The following CHAT variants were observed in gnomAD, a reference collection of about 807,000 sequenced individuals.
The protein encoded by CHAT is acetyl CoA:choline O-acetyltransferase.
Under a neutral mutation model 76.9 loss-of-function variants are expected in CHAT, and 61 were observed. That is an observed-to-expected ratio of 0.79 (90% CI 0.65 to 0.98). The LOEUF is 0.98. CHAT is among the 50% of genes least tolerant of loss of function. The pLI, the probability that CHAT is intolerant of heterozygous loss-of-function variation, is 0.00. For missense variants in CHAT, 946 were observed against 986.9 expected (o/e 0.96, Z 0.56); for synonymous variants, 407 against 397.4 (o/e 1.02, Z -0.29).
intron 3 of CHAT, 62 bp downstream of exon 3, chr10:49,619,978 G>C (rs1362968002): frequency 6.6e-7 from 1 of 1,526,462 alleles, no homozygotes; most frequent in African/African-American, 1.4e-5. Context: ...GAGACAGAGG[G>C]ATCTCGGTGA....
chr10:49,611,528 C>T (rs1039568668), upstream of CHAT: 1 of 1,602,476 alleles, frequency 6.2e-7, no homozygotes, highest in African/African-American at 1.3e-5. Context: ...CTGGCAGTGG[C>T]CAAACCCTTC....
At chr10:49,611,694 T>C (rs1460003493), upstream of CHAT, 9 of 1,609,796 alleles carry the variant, frequency 5.6e-6, no homozygotes, top group Admixed American at 1.7e-5. Context: ...GGATGAAGCA[T>C]ACGATGGCGG....
chr10:49,655,116 C>T lies in CHAT; in HGVS notation c.1656C>T (p.Pro552=), dbSNP rs1268229300. The T allele has an allele frequency of 1.7e-5, 28 of 1,614,044 alleles. No individual in the cohort carries two copies. The highest frequency in any genetic ancestry group is 2.3e-5 in the Non-Finnish European group (27 of 1,180,042). Residue 552 remains proline (P), a synonymous_variant, in exon 12 of 15, where the codon CCC becomes CCT. Coordinates refer to ENST00000337653, the MANE Select transcript of CHAT (RefSeq NM_020549.5). The part of the protein sequence containing the change: ...AFYRLHRRLV[P]TYESASIRRF... ...GCAGGCTCCATCGAAGACTGGTGCC[C>T]ACCTACGAGAGCGCGTCCATCCGCC...
intron 10 of CHAT, 107 bp downstream of exon 10, chr10:49,649,743 G>T: frequency 8.2e-7 from 1 of 1,214,276 alleles, no homozygotes; most frequent in Non-Finnish European, 1.2e-6. Flanking sequence ...CAGCTCCTCT[G>T]CCTCTCCTTG....
upstream of CHAT, chr10:49,611,748 G>A (rs751255817): frequency 1.2e-5 from 19 of 1,604,260 alleles, no homozygotes; most frequent in Non-Finnish European, 1.6e-5. Context: ...CGGCCTTCGT[G>A]CCTCATGTGC....
Position 49,617,999 on chromosome 10 carries a change from C to G in CHAT, c.387+1397C>G, listed in dbSNP as rs559111669. Among the ~76,000 whole-genome samples, 5 of 152,284 alleles carry G rather than the reference C, an allele frequency of 3.3e-5. No individual in the cohort carries two copies. In the South Asian group the frequency reaches 6.2e-4, roughly 19 times the overall value. On this transcript the variant is annotated intron_variant, in intron 2 of 14. Coordinates refer to ENST00000337653, the MANE Select transcript of CHAT (RefSeq NM_020549.5). Reference sequence around the variant, plus strand: ...GAGAAGGAGGTGCTTTTAAGGGGCCCATTCACTCTGCAGCCTATGGGGAGG... The same window carrying G: ...GAGAAGGAGGTGCTTTTAAGGGGCCGATTCACTCTGCAGCCTATGGGGAGG...
At chr10:49,646,143 G>A (rs2132797819) in intron 7 of CHAT, among the ~76,000 whole-genome samples, 1 of 152,336 alleles carries the variant, frequency 6.6e-6, no homozygotes, top group South Asian at 2.1e-4. Flanking sequence ...GTTGGGTGGG[G>A]GATTAAGGGC....
intron 7 of CHAT, among the ~76,000 whole-genome samples, chr10:49,632,640 C>T (rs576159934): frequency 7.2e-5 from 11 of 152,260 alleles, no homozygotes; most frequent in African/African-American, 2.2e-4. Context: ...AACACTTCCC[C>T]GGATTCTCAT....
At chr10:49,616,422 G>A in intron 1 of CHAT, 80 bp from the exon 2 acceptor site, 2 of 1,086,140 alleles carry the variant, frequency 1.8e-6, no homozygotes, top group South Asian at 2.7e-5. Flanking sequence ...CTGGGGTGGG[G>A]GTCTGTTGGC....
At chr10:49,634,925 A>T (rs1839247442) in intron 7 of CHAT, among the ~76,000 whole-genome samples, 4 of 152,180 alleles carry the variant, frequency 2.6e-5, no homozygotes, top group Admixed American at 2.6e-4. Flanking sequence ...AGTTGTAAGA[A>T]GTAATACAGA....
upstream of CHAT, among the ~76,000 whole-genome samples, chr10:49,609,818 A>C (rs1838241242): frequency 6.6e-6 from 1 of 152,106 alleles, no homozygotes; most frequent in Non-Finnish European, 1.5e-5. Context: ...GCGGCTCCAC[A>C]ATCCAGCTGC....
In CHAT at chr10:49,664,720, C is replaced by G. The variant is rs1175008879; in HGVS notation, c.1978-57C>G. ...GGAAAACAGAGAAGCCAAGCCCAGT[C>G]GAGGCTGGCGGGCTGCATTCCAGAA... On this transcript the variant is annotated intron_variant, in intron 14 of 14. Transcript: ENST00000337653. 6.2e-6 allele frequency: 10 copies of G among 1,610,474 alleles called. No homozygotes were observed. In the Admixed American group the frequency reaches 6.7e-5, roughly 11 times the overall value.
upstream of CHAT, chr10:49,610,610 C>A: frequency 1.1e-6 from 1 of 878,372 alleles, no homozygotes; most frequent in Non-Finnish European, 1.6e-6. Flanking sequence ...GCTCCGCGGC[C>A]ACCTGAGGCA....
chr10:49,610,098 C>T (rs1229792189), upstream of CHAT, among the ~76,000 whole-genome samples: 2 of 151,840 alleles, frequency 1.3e-5, no homozygotes, highest in African/African-American at 2.4e-5. Context: ...TGGTTCAAGA[C>T]TTCCACACCG....
Position 49,664,787 on chromosome 10 carries a change from C to G in CHAT, c.1988C>G (p.Thr663Ser). Residue 663 changes from threonine to serine, a missense_variant, in exon 15 of 15, where the codon ACC becomes AGC. Transcript: ENST00000337653. Reference sequence around the variant, plus strand: ...TGTCCTCTCCTCCAGGTGCCCACAACCACGGAGATGTTCTGCTGCTATGGT... The same window carrying G: ...TGTCCTCTCCTCCAGGTGCCCACAAGCACGGAGATGTTCTGCTGCTATGGT... ...FVLSTSQVPT[T>S]TEMFCCYGPV... The G allele has an allele frequency of 6.2e-7, 1 of 1,614,214 alleles. No individual in the cohort carries two copies. Among genetic ancestry groups the G allele is most frequent in the East Asian group, 2.2e-5 (1 of 44,884 alleles).
chr10:49,610,771 C>T, upstream of CHAT: 1 of 1,558,538 alleles, frequency 6.4e-7, no homozygotes, highest in Non-Finnish European at 8.7e-7. Flanking sequence ...GGGCCAGGCC[C>T]GGGCGGCGGC....
At chr10:49,612,837 A>T (rs1478519323), upstream of CHAT, 1 of 157,022 alleles carries the variant, frequency 6.4e-6, no homozygotes, top group Non-Finnish European at 1.4e-5. Flanking sequence ...ACACGTAGGC[A>T]CCTGTAGCTG....
At chr10:49,615,482 G>A (rs934406815) in intron 1 of CHAT, among the ~76,000 whole-genome samples, 25 of 152,178 alleles carry the variant, frequency 1.6e-4, no homozygotes, top group African/African-American at 6.0e-4. Flanking sequence ...TGGACTCTCT[G>A]TTCCTGGCAA....
Position 49,649,503 on chromosome 10 carries a change from CG to C in CHAT, c.1383-4del. 6.2e-7 allele frequency: 1 copy of C among 1,613,774 alleles called. No homozygotes were observed. The highest frequency in any genetic ancestry group is 8.5e-7 in the Non-Finnish European group (1 of 1,180,044). On this transcript the variant is annotated splice_region_variant and splice_polypyrimidine_tract_variant and intron_variant, in intron 9 of 14. Coordinates refer to ENST00000337653, the MANE Select transcript of CHAT (RefSeq NM_020549.5). ...AGCCTCAGGAGGTTGCCTCTGTGCC[CG>C]CAGGACGCAGAGCAGCAGGAAGCTG...
Sources: allele counts gnomAD v4.1 joint callset (sites outside exome capture counted in the v4.1 genomes callset), GRCh38; gene constraint gnomAD v4.1.1; transcripts MANE v1.5; gene names NCBI Gene and HGNC (gene_info 2026-07-23, HGNC 2026-07-21).